The following SLC30A3 variants were observed in gnomAD, a reference collection of about 807,000 sequenced individuals.
SLC30A3 encodes probable proton-coupled zinc antiporter SLC30A3.
In SLC30A3, 20 loss-of-function variants were observed where a neutral mutation model predicts 35.6. That is an observed-to-expected ratio of 0.56 (90% CI 0.39 to 0.82). The LOEUF (loss-of-function observed/expected upper bound fraction) is 0.82, where lower values mean the gene tolerates loss of function less well. Ranked by LOEUF, SLC30A3 falls within the 40% of genes least tolerant of loss-of-function variation. The pLI, the probability that SLC30A3 is intolerant of heterozygous loss-of-function variation, is 0.00. For synonymous variants in SLC30A3, 217 were observed against 224.7 expected (o/e 0.97, Z 0.31); for missense variants, 401 against 530.6 (o/e 0.76, Z 2.40).
chr2:27,255,148 G>A lies in SLC30A3; in HGVS notation c.*164C>T. On this transcript the variant is annotated 3_prime_UTR_variant, in exon 8 of 8. Transcript: ENST00000233535. This position sits in a 1 kb window ranked among gnomAD's most constrained non-coding sequence, Gnocchi z 5.2. ...CCGCCACACTTTGGTCTTGCCCACT[G>A]GGGCTGGGGCTGGGGCTGAGGCTGG... 2 of 1,568,718 alleles carry A rather than the reference G, an allele frequency of 1.3e-6. No homozygotes were observed. The highest frequency in any genetic ancestry group is 1.7e-6 in the Non-Finnish European group (2 of 1,164,342).
chr2:27,272,716 G>A (rs1677777822), intron 1 of SLC30A3, among the ~76,000 whole-genome samples: 2 of 151,640 alleles, frequency 1.3e-5, no homozygotes, highest in Non-Finnish European at 2.9e-5. Context: ...ATGAGCCACT[G>A]CGCCTGGCCA....
At chr2:27,275,240 G>T in exon 1 of SLC30A3, 1 of 1,303,518 alleles carries the variant, frequency 7.7e-7, no homozygotes, top group Non-Finnish European at 1.0e-6. Flanking sequence ...CATCAAGATG[G>T]GTGGTGCCCT....
chr2:27,273,014 C>T (rs1677790803), intron 1 of SLC30A3, among the ~76,000 whole-genome samples: 1 of 147,424 alleles, frequency 6.8e-6, no homozygotes, highest in African/African-American at 2.5e-5. Flanking sequence ...TGTGTCACTG[C>T]ACTCCAGACT....
intron 1 of SLC30A3, among the ~76,000 whole-genome samples, chr2:27,269,208 C>CTTTTT (rs368309600): frequency 7.8e-6 from 1 of 127,910 alleles, no homozygotes. Context: ...CTTTTTCTTT[C>CTTTTT]TTTTTTTTTT....
intron 1 of SLC30A3, among the ~76,000 whole-genome samples, chr2:27,269,126 A>C (rs974575810): frequency 5.9e-5 from 9 of 152,280 alleles, no homozygotes; most frequent in African/African-American, 2.2e-4. Flanking sequence ...GAAATGGAGA[A>C]ACAAACAAAA....
In SLC30A3 at chr2:27,258,921, G is replaced by C. The variant is rs771766151; in HGVS notation, c.109C>G (p.Pro37Ala). 23 of 1,597,294 alleles carry C rather than the reference G, an allele frequency of 1.4e-5. No homozygotes were observed. Among genetic ancestry groups the C allele is most frequent in the Non-Finnish European group, 2.0e-5 (23 of 1,172,056 alleles). Reference sequence around the variant, plus strand: ...GACTCCTCAGGGAGGGGCTCTGAGGGCTCTGTGAAGAGACTGAGGCAAGCA... The same window carrying C: ...GACTCCTCAGGGAGGGGCTCTGAGGCCTCTGTGAAGAGACTGAGGCAAGCA... ...SLRLKSLFTE[P>A]SEPLPEESKP... The change falls in exon 2 of 8, where the codon CCC becomes GCC. Residue 37 changes from proline (P) to alanine (A), a missense_variant. Transcript: ENST00000233535. This position sits in a 1 kb window ranked among gnomAD's most constrained non-coding sequence, Gnocchi z 4.0.
intron 1 of SLC30A3, among the ~76,000 whole-genome samples, chr2:27,272,694 G>T (rs1677776902): frequency 6.6e-6 from 1 of 151,482 alleles, no homozygotes; most frequent in Non-Finnish European, 1.5e-5. Context: ...CCAAAGTGCT[G>T]AGATTACAGG....
chr2:27,261,339 A>G (rs1477469521), intron 1 of SLC30A3, among the ~76,000 whole-genome samples: 1 of 152,210 alleles, frequency 6.6e-6, no homozygotes, highest in Non-Finnish European at 1.5e-5. Flanking sequence ...ACCAGGCCAG[A>G]GCTTCCCTGG....
upstream of SLC30A3, among the ~76,000 whole-genome samples, chr2:27,264,789 G>A (rs550020539): frequency 2.6e-5 from 4 of 152,332 alleles, no homozygotes; most frequent in South Asian, 4.1e-4. The surrounding 1 kb of genome is among the most constrained non-coding windows in gnomAD (Gnocchi z 6.1). Context: ...AAATTGAGGC[G>A]GCGAGAGCAG....
chr2:27,254,880 G>A lies in SLC30A3; in HGVS notation c.*432C>T. On this transcript the variant is annotated 3_prime_UTR_variant, in exon 8 of 8. Transcript: ENST00000233535. Reference sequence around the variant, plus strand: ...CATAGACAGAGCGAGGGCCATGTGGGGAGGGGGCCCCTACTGACCTCCCCC... The same window carrying A: ...CATAGACAGAGCGAGGGCCATGTGGAGAGGGGGCCCCTACTGACCTCCCCC... 2.8e-6 allele frequency: 1 copy of A among 356,932 alleles called. No homozygotes were observed. Among genetic ancestry groups the A allele is most frequent in the Non-Finnish European group, 5.2e-6 (1 of 191,464 alleles). 22.1% of individuals were successfully genotyped at this position (356,932 alleles called of 1,614,324 possible).
upstream of SLC30A3, among the ~76,000 whole-genome samples, chr2:27,267,867 G>A (rs1185383679): frequency 1.3e-5 from 2 of 151,336 alleles, no homozygotes; most frequent in South Asian, 2.1e-4. Context: ...CCTGGAAGGC[G>A]GAGGTTGCAG....
rs1400707774 is a variant in SLC30A3 at position 27,271,584 on chromosome 2, C to T, written c.-159+3593G>A. On this transcript the variant is annotated intron_variant, in intron 1 of 5. Coordinates refer to the SLC30A3 transcript ENST00000424577. The surrounding 1 kb of genome is among the most constrained non-coding windows in gnomAD (Gnocchi z 4.3). Reference sequence around the variant, plus strand: ...AGAGATGAAATGATTTGTCTAAGATCACACAGCCTGTGAGGGCCAGAGCCA... The same window carrying T: ...AGAGATGAAATGATTTGTCTAAGATTACACAGCCTGTGAGGGCCAGAGCCA... Among the ~76,000 whole-genome samples, 1 of 152,212 alleles carries T rather than the reference C, an allele frequency of 6.6e-6. No homozygotes were observed. The highest frequency in any genetic ancestry group is 1.5e-5 in the Non-Finnish European group (1 of 68,044).
In SLC30A3 at chr2:27,262,683, T is replaced by TGCAGCGGAGCGAGGGACCCGCGGTGC. The variant is rs1677272632; in HGVS notation, c.95+103_95+128dup. On this transcript the variant is annotated intron_variant, in intron 1 of 7. Transcript: ENST00000233535. This position sits in a 1 kb window ranked among gnomAD's most constrained non-coding sequence, Gnocchi z 7.5. ...TGTGGCCAGAGGGGATGAAGCGGGG[T>TGCAGCGGAGCGAGGGACCCGCGGTGC]GCAGCGGAGCGAGGGACCCGCGGTG... is the stretch of plus-strand genomic sequence containing the variant. 4 of 870,766 alleles carry TGCAGCGGAGCGAGGGACCCGCGGTGC rather than the reference T, an allele frequency of 4.6e-6. No homozygotes were observed. The East Asian group carries it at 1.3e-4, about 29-fold the overall frequency. The allele number at this position is 870,766 out of a possible 1,614,324, so 53.9% of individuals were successfully genotyped here. A position where few individuals can be genotyped will look rare whatever the true frequency, so the allele number is the denominator to read the frequency against.
rs776225136 is a variant in SLC30A3, at chr2:27,255,352, A to G, written c.1127T>C (p.Met376Thr). The G allele has an allele frequency of 1.4e-5, 22 of 1,614,084 alleles. No homozygotes were observed. The East Asian group carries it at 3.6e-4, about 26-fold the overall frequency. Residue 376 changes from methionine to threonine, a missense_variant, in exon 8 of 8, where the codon ATG becomes ACG. Transcript: ENST00000233535. The surrounding 1 kb of genome is among the most constrained non-coding windows in gnomAD (Gnocchi z 5.2). ...TTCCTGGCAGCGCAGGCACTGGGCC[A>G]TCTCCGGCTGATACTGCTCGACCTG... ...TLQVEQYQPE[M>T]AQCLRCQEPP...
chr2:27,269,200 TTTTC>T (rs1346922516), intron 1 of SLC30A3, among the ~76,000 whole-genome samples: 3 of 142,750 alleles, frequency 2.1e-5, no homozygotes, highest in South Asian at 2.2e-4. Flanking sequence ...TTCTTTTTCT[TTTTC>T]TTTCTTTTTT....
upstream of SLC30A3, chr2:27,264,197 G>A (rs1677377222): frequency 1.9e-6 from 1 of 532,466 alleles, no homozygotes; most frequent in Non-Finnish European, 3.3e-6. The surrounding 1 kb of genome is among the most constrained non-coding windows in gnomAD (Gnocchi z 6.1). Flanking sequence ...GAAGCGTGGA[G>A]GGTGGGAATG....
chr2:27,272,751 A>G (rs2148158566), intron 1 of SLC30A3, among the ~76,000 whole-genome samples: 1 of 151,704 alleles, frequency 6.6e-6, no homozygotes, highest in South Asian at 2.1e-4. Context: ...ATCAATATGC[A>G]AATAAACATA....
upstream of SLC30A3, among the ~76,000 whole-genome samples, chr2:27,267,507 C>G (rs898416157): frequency 1.3e-5 from 2 of 152,134 alleles, no homozygotes; most frequent in African/African-American, 4.8e-5. Flanking sequence ...TGCTCCCACC[C>G]CAGGGCCTTC....
upstream of SLC30A3, chr2:27,264,118 A>C: frequency 1.6e-6 from 2 of 1,223,400 alleles, no homozygotes; most frequent in South Asian, 1.3e-5. The surrounding 1 kb of genome is among the most constrained non-coding windows in gnomAD (Gnocchi z 6.1). Context: ...AGGATTGTGC[A>C]CTCGAAGCTG....
Sources: gnomAD v4.1 joint callset for allele counts (sites outside exome capture counted in the v4.1 genomes callset) on GRCh38, gnomAD v4.1.1 for gene constraint, Gnocchi (gnomAD v3.1) non-coding constraint, MANE v1.5 for transcripts, NCBI Gene and HGNC (gene_info 2026-07-23, HGNC 2026-07-21) for gene names.